The following NR6A1 variants were observed in gnomAD, a reference collection of about 807,000 sequenced individuals.
NR6A1 encodes retinoic acid receptor-related testis-associated receptor.
In NR6A1, 7 loss-of-function variants were observed where a neutral mutation model predicts 59.1. The ratio of observed to expected loss-of-function variants is 0.12; its 90% CI spans 0.07 to 0.22. The LOEUF (loss-of-function observed/expected upper bound fraction) is 0.22, where lower values mean the gene tolerates loss of function less well. Ranked by LOEUF, NR6A1 falls within the 10% of genes least tolerant of loss-of-function variation. The probability of loss-of-function intolerance (pLI) is 1.00; values close to 1 mark genes in which losing one functional copy is unlikely to be tolerated. For missense variants in NR6A1, 468 were observed against 611.6 expected (o/e 0.77, Z 2.48); for synonymous variants, 243 against 236.1 (o/e 1.03, Z -0.27).
At chr9:124,669,644 C>A (rs933104567) in intron 2 of NR6A1, among the ~76,000 whole-genome samples, 1 of 152,198 alleles carries the variant, frequency 6.6e-6, no homozygotes, top group Non-Finnish European at 1.5e-5. Context: ...TACAATCCAA[C>A]GGGATAGATT....
At chr9:124,667,292 A>T (rs1241343069) in intron 2 of NR6A1, among the ~76,000 whole-genome samples, 1 of 151,692 alleles carries the variant, frequency 6.6e-6, no homozygotes, top group East Asian at 1.9e-4. Context: ...CAGCGTCCCA[A>T]AGTGCTGGGA....
At chr9:124,673,365 A>G (rs1423725999) in intron 2 of NR6A1, among the ~76,000 whole-genome samples, 1 of 152,196 alleles carries the variant, frequency 6.6e-6, no homozygotes, top group Non-Finnish European at 1.5e-5. Context: ...AGGTTCTCCC[A>G]TAAAACTCCC....
At chr9:124,636,988 G>A (rs941137010) in intron 2 of NR6A1, among the ~76,000 whole-genome samples, 3 of 152,148 alleles carry the variant, frequency 2.0e-5, no homozygotes, top group African/African-American at 4.8e-5. Flanking sequence ...TCTGGAGGGA[G>A]ACAGATCAGG....
chr9:124,610,708 C>T (rs569975586), intron 2 of NR6A1, among the ~76,000 whole-genome samples: 2 of 152,252 alleles, frequency 1.3e-5, no homozygotes, highest in East Asian at 3.9e-4. Flanking sequence ...TGGTAGAATT[C>T]AGCTGTAAAT....
At chr9:124,617,539 GAA>G (rs1835935118) in intron 2 of NR6A1, among the ~76,000 whole-genome samples, 1 of 152,072 alleles carries the variant, frequency 6.6e-6, no homozygotes, top group Non-Finnish European at 1.5e-5. Flanking sequence ...ATTTTCAAAG[GAA>G]AAAGTCTTAG....
chr9:124,599,095 C>A (rs897693840), intron 2 of NR6A1: 4 of 708,096 alleles, frequency 5.6e-6, no homozygotes, highest in African/African-American at 3.5e-5. Flanking sequence ...CTCGCTCGTT[C>A]CATTCTAGGA....
chr9:124,543,904 A>C, intron 3 of NR6A1, 47 bp from the exon 4 acceptor site: 2 of 1,537,524 alleles, frequency 1.3e-6, no homozygotes, highest in Non-Finnish European at 1.8e-6. Context: ...GCACACTCAT[A>C]TAAGTCTTAG....
intron 2 of NR6A1, among the ~76,000 whole-genome samples, chr9:124,600,629 A>C (rs1295321020): frequency 2.0e-5 from 3 of 152,186 alleles, no homozygotes; most frequent in Non-Finnish European, 2.9e-5. Flanking sequence ...GCTGACCTCC[A>C]ACCTTATTTC....
intron 1 of NR6A1, among the ~76,000 whole-genome samples, chr9:124,756,606 A>C (rs1475642085): frequency 1.3e-5 from 2 of 152,232 alleles, no homozygotes; most frequent in Admixed American, 1.3e-4. Context: ...AGATTTATTT[A>C]GATTCTTTCA....
chr9:124,623,935 G>A (rs1038726811), intron 2 of NR6A1, among the ~76,000 whole-genome samples: 2 of 152,084 alleles, frequency 1.3e-5, no homozygotes, highest in Non-Finnish European at 2.9e-5. Context: ...TTTGTGCCTG[G>A]CACCAGTGTT....
intron 1 of NR6A1, among the ~76,000 whole-genome samples, chr9:124,739,326 T>C (rs764748952): frequency 3.9e-5 from 6 of 152,216 alleles, no homozygotes; most frequent in Non-Finnish European, 1.5e-5. Context: ...TCACATTCAA[T>C]TGTCATGAGA....
intron 2 of NR6A1, among the ~76,000 whole-genome samples, chr9:124,579,724 A>G (rs1834706436): frequency 6.6e-6 from 1 of 152,150 alleles, no homozygotes; most frequent in Non-Finnish European, 1.5e-5. Flanking sequence ...TATAAAATTA[A>G]ACATAGCCGG....
chr9:124,736,705 G>A (rs1188455614), intron 1 of NR6A1, among the ~76,000 whole-genome samples: 1 of 152,118 alleles, frequency 6.6e-6, no homozygotes, highest in Non-Finnish European at 1.5e-5. Context: ...AGTTAGCCAG[G>A]TGTGGTGGTG....
chr9:124,729,460 T>C (rs1564257118), intron 2 of NR6A1, among the ~76,000 whole-genome samples: 1 of 152,146 alleles, frequency 6.6e-6, no homozygotes. Flanking sequence ...GGTGTGCACA[T>C]GTAGTCACAG....
At chr9:124,720,330 C>T (rs1221979349) in intron 2 of NR6A1, among the ~76,000 whole-genome samples, 2 of 152,120 alleles carry the variant, frequency 1.3e-5, no homozygotes, top group East Asian at 1.9e-4. Flanking sequence ...GGATTACAGG[C>T]GCGAGCCACC....
intron 2 of NR6A1, among the ~76,000 whole-genome samples, chr9:124,591,448 T>C (rs947972934): frequency 3.3e-5 from 5 of 152,196 alleles, no homozygotes; most frequent in African/African-American, 7.2e-5. Context: ...CAAAGCCATA[T>C]ACGTAGCCAA....
intron 2 of NR6A1, among the ~76,000 whole-genome samples, chr9:124,586,074 C>A (rs1283290469): frequency 6.6e-6 from 1 of 152,202 alleles, no homozygotes; most frequent in African/African-American, 2.4e-5. Flanking sequence ...TGTCTGCTAA[C>A]ATAACATCCA....
At chr9:124,704,512 G>C (rs1353430116) in intron 2 of NR6A1, among the ~76,000 whole-genome samples, 1 of 151,922 alleles carries the variant, frequency 6.6e-6, no homozygotes, top group African/African-American at 2.4e-5. Flanking sequence ...CTGGGCTCAA[G>C]CAATCCTCCC....
intron 2 of NR6A1, among the ~76,000 whole-genome samples, chr9:124,604,571 C>T (rs77646465): frequency 0.013 from 2,002 of 152,222 alleles, 36 homozygotes; most frequent in African/African-American, 0.046. Flanking sequence ...CACTTTGGGA[C>T]GCTGAGGCGG....
Sources: allele counts gnomAD v4.1 joint callset (sites outside exome capture counted in the v4.1 genomes callset), GRCh38; gene constraint gnomAD v4.1.1; transcripts MANE v1.5; gene names NCBI Gene and HGNC (gene_info 2026-07-23, HGNC 2026-07-21).